WWOX: variants seen among roughly 807,000 people sequenced by gnomAD.
WWOX encodes WW domain-containing oxidoreductase.
In WWOX, 69 loss-of-function variants were observed where a neutral mutation model predicts 46.2. That is an observed-to-expected ratio of 1.49 (90% CI 1.23 to 1.82). The LOEUF is 1.82. Ranked by LOEUF, WWOX falls within the 40% of genes most tolerant of loss-of-function variation. The pLI, the probability that WWOX is intolerant of heterozygous loss-of-function variation, is 0.00. For synonymous variants in WWOX, 359 were observed against 202.6 expected, an observed-to-expected ratio of 1.77 and a Z score of -6.56; for missense variants, 919 against 542.6, an observed-to-expected ratio of 1.69 and a Z score of -6.89.
chr16:78,156,921 A>T (rs2034626202), intron 4 of WWOX, among the ~76,000 whole-genome samples: 1 of 151,802 alleles, frequency 6.6e-6, no homozygotes, highest in African/African-American at 2.4e-5. Context: ...ACAGAGTGAG[A>T]CTCTGTCTCA....
chr16:78,731,954 C>T (rs1312019115), intron 8 of WWOX, among the ~76,000 whole-genome samples: 2 of 150,664 alleles, frequency 1.3e-5, no homozygotes, highest in African/African-American at 2.5e-5. Flanking sequence ...TCAATTGATC[C>T]TCCTGCCTCA....
chr16:79,073,159 A>G (rs1025433508), intron 8 of WWOX, among the ~76,000 whole-genome samples: 3 of 66,606 alleles, frequency 4.5e-5, no homozygotes, highest in African/African-American at 1.0e-4. Context: ...CGTTATTATT[A>G]TTATTATTAT....
At chr16:78,674,606 A>C (rs2047547501) in intron 8 of WWOX, among the ~76,000 whole-genome samples, 1 of 152,046 alleles carries the variant, frequency 6.6e-6, no homozygotes, top group Non-Finnish European at 1.5e-5. Flanking sequence ...GTTTACTCTT[A>C]TTATTTTCTC....
At chr16:78,712,883 G>A (rs1465899077) in intron 8 of WWOX, among the ~76,000 whole-genome samples, 1 of 152,070 alleles carries the variant, frequency 6.6e-6, no homozygotes, top group East Asian at 1.9e-4. Context: ...CATTTAATTA[G>A]GTTCTCTGTT....
At chr16:78,383,705 C>T (rs1023948837) in intron 5 of WWOX, among the ~76,000 whole-genome samples, 2 of 152,204 alleles carry the variant, frequency 1.3e-5, no homozygotes, top group Non-Finnish European at 2.9e-5. Context: ...CTGCATTTTC[C>T]ATCCCCTGGA....
intron 8 of WWOX, among the ~76,000 whole-genome samples, chr16:79,125,084 T>G (rs2049722833): frequency 6.6e-6 from 1 of 151,470 alleles, no homozygotes; most frequent in Non-Finnish European, 1.5e-5. Context: ...TCTCCCAAAC[T>G]ATATGCAGAT....
intron 5 of WWOX, among the ~76,000 whole-genome samples, chr16:78,238,489 C>T (rs113558279): frequency 2.8e-4 from 42 of 151,954 alleles, no homozygotes; most frequent in Non-Finnish European, 4.9e-4. Flanking sequence ...TGTAGAGATG[C>T]GGTTTCTCTA....
At chr16:79,210,549 G>T (rs548059907) in intron 8 of WWOX, among the ~76,000 whole-genome samples, 46 of 152,188 alleles carry the variant, frequency 3.0e-4, no homozygotes, top group South Asian at 6.2e-4. Context: ...TACCTTTTCC[G>T]GTCCTCTCTT....
At chr16:78,406,588 A>G (rs888934283) in intron 6 of WWOX, among the ~76,000 whole-genome samples, 6 of 149,172 alleles carry the variant, frequency 4.0e-5, no homozygotes, top group Non-Finnish European at 8.9e-5. Context: ...TGACCTCGTG[A>G]TCCGCCTGCC....
intron 4 of WWOX, among the ~76,000 whole-genome samples, chr16:78,158,072 C>A (rs759447251): frequency 2.0e-5 from 3 of 152,328 alleles, no homozygotes; most frequent in Non-Finnish European, 1.5e-5. Flanking sequence ...GGCAGCAACA[C>A]AAGTGTGTCC....
At chr16:78,693,791 C>G (rs374965990) in intron 8 of WWOX, among the ~76,000 whole-genome samples, 1 of 152,076 alleles carries the variant, frequency 6.6e-6, no homozygotes, top group Admixed American at 6.6e-5. Context: ...AATTGTTGAT[C>G]TAGGGGAAGA....
chr16:78,742,211 G>A (rs1567529665), intron 8 of WWOX, among the ~76,000 whole-genome samples: 1 of 152,126 alleles, frequency 6.6e-6, no homozygotes, highest in Admixed American at 6.5e-5. Context: ...AAATACTAGG[G>A]GTGAGTGTGC....
chr16:78,854,990 C>G (rs2052534325), intron 8 of WWOX, among the ~76,000 whole-genome samples: 1 of 150,702 alleles, frequency 6.6e-6, no homozygotes, highest in Admixed American at 6.6e-5. Flanking sequence ...CAAATTTACA[C>G]TCCATTATTT....
At chr16:78,284,012 T>C (rs968901434) in intron 5 of WWOX, among the ~76,000 whole-genome samples, 2 of 152,186 alleles carry the variant, frequency 1.3e-5, no homozygotes, top group African/African-American at 4.8e-5. Context: ...ACATTGAACA[T>C]ATTGATTAAT....
intron 8 of WWOX, among the ~76,000 whole-genome samples, chr16:78,982,936 C>T (rs946668106): frequency 3.3e-5 from 5 of 152,106 alleles, no homozygotes; most frequent in African/African-American, 1.2e-4. Context: ...TTACCCTGAG[C>T]AGATTGCATA....
At chr16:78,709,270 C>A (rs530651418) in intron 8 of WWOX, among the ~76,000 whole-genome samples, 1 of 152,122 alleles carries the variant, frequency 6.6e-6, no homozygotes, top group South Asian at 2.1e-4. Flanking sequence ...CTGCGGGAGA[C>A]AAAATAACAG....
rs2656640 is a variant in WWOX, at chr16:79,035,142, A to G, written c.1057-176466A>G. On this transcript the variant is annotated intron_variant, in intron 8 of 8. Coordinates refer to ENST00000566780, the MANE Select transcript of WWOX (RefSeq NM_016373.4). ...AAAAATAAATATCTGTGATCTCATC[A>G]TTTGACCGTCAGTATTTTCATTTTT... Among the ~76,000 whole-genome samples, 122 of 152,320 alleles carry G rather than the reference A, an allele frequency of 8.0e-4. 1 individual carries two copies. The highest frequency in any genetic ancestry group is 2.8e-3 in the African/African-American group (115 of 41,578).
chr16:79,184,671 G>A (rs747859817), intron 8 of WWOX, among the ~76,000 whole-genome samples: 3 of 152,212 alleles, frequency 2.0e-5, no homozygotes, highest in Non-Finnish European at 4.4e-5. Flanking sequence ...CCACCCCGTG[G>A]TGATTCATAT....
intron 8 of WWOX, among the ~76,000 whole-genome samples, chr16:78,484,691 A>AT (rs1322506172): frequency 6.6e-6 from 1 of 152,152 alleles, no homozygotes; most frequent in Non-Finnish European, 1.5e-5. Context: ...CAGGTTGCTA[A>AT]TTTTACTTTT....
Sources: allele counts gnomAD v4.1 joint callset (sites outside exome capture counted in the v4.1 genomes callset), GRCh38; gene constraint gnomAD v4.1.1; transcripts MANE v1.5; gene names NCBI Gene and HGNC (gene_info 2026-07-23, HGNC 2026-07-21).